The following CSMD3 variants were observed in gnomAD, a reference collection of about 807,000 sequenced individuals.
CSMD3 encodes the protein CUB and Sushi multiple domains 3.
CSMD3 carries 177 observed loss-of-function variants against 435.2 expected under a neutral mutation model. The observed-to-expected ratio is 0.41, with a 90% confidence interval of 0.36 to 0.46. The LOEUF is 0.46. Ranked by LOEUF, CSMD3 falls within the 20% of genes least tolerant of loss-of-function variation. The pLI is 0.34. For synonymous variants in CSMD3, 1,656 were observed against 1,520.5 expected (o/e 1.09, Z -2.07); for missense variants, 4,265 against 4,504.6 (o/e 0.95, Z 1.52).
intron 35 of CSMD3, among the ~76,000 whole-genome samples, chr8:112,396,525 G>T (rs1366087415): frequency 6.6e-6 from 1 of 152,168 alleles, no homozygotes; most frequent in Non-Finnish European, 1.5e-5. Flanking sequence ...AGGAAACTAT[G>T]CAAGAGTATC....
intron 13 of CSMD3, among the ~76,000 whole-genome samples, chr8:112,691,405 G>GA (rs1222292268): frequency 5.3e-5 from 8 of 152,116 alleles, no homozygotes; most frequent in African/African-American, 1.9e-4. Flanking sequence ...ATTTGTACCA[G>GA]AAAAAAATTG....
At chr8:113,388,173 A>G (rs1292650571) in intron 1 of CSMD3, among the ~76,000 whole-genome samples, 1 of 151,720 alleles carries the variant, frequency 6.6e-6, no homozygotes, top group African/African-American at 2.4e-5. Context: ...AAGATTTTTC[A>G]TAGCGGACAT....
At chr8:112,982,558 G>A (rs1417122832) in intron 6 of CSMD3, among the ~76,000 whole-genome samples, 8 of 151,822 alleles carry the variant, frequency 5.3e-5, no homozygotes, top group African/African-American at 1.9e-4. Flanking sequence ...TCATTTCCAC[G>A]TAAAATCTTG....
intron 31 of CSMD3, among the ~76,000 whole-genome samples, chr8:112,474,738 A>G (rs7819392): frequency 0.81 from 123,930 of 152,096 alleles, 51,053 homozygotes; most frequent in African/African-American, 0.93. Context: ...TTAATTATTG[A>G]TCAAAGTTTT....
At chr8:112,392,669 T>C (rs1196515246) in intron 35 of CSMD3, among the ~76,000 whole-genome samples, 2 of 152,018 alleles carry the variant, frequency 1.3e-5, no homozygotes, top group African/African-American at 4.8e-5. Context: ...CGTACTTTTT[T>C]TTTTTCTGAG....
At chr8:113,059,681 C>A (rs1325235395) in intron 5 of CSMD3, among the ~76,000 whole-genome samples, 1 of 152,068 alleles carries the variant, frequency 6.6e-6, no homozygotes, top group Non-Finnish European at 1.5e-5. Flanking sequence ...TGCTAATTAG[C>A]TTAAGTTTCA....
At chr8:113,115,344 G>A (rs569751439) in intron 4 of CSMD3, among the ~76,000 whole-genome samples, 5 of 152,290 alleles carry the variant, frequency 3.3e-5, no homozygotes, top group African/African-American at 9.6e-5. Context: ...AAACTTCTAA[G>A]TGAATAGCTT....
chr8:112,842,280 C>A (rs1475462975), intron 11 of CSMD3, among the ~76,000 whole-genome samples: 2 of 151,824 alleles, frequency 1.3e-5, no homozygotes, highest in Admixed American at 1.3e-4. Context: ...TTGCCAGTTT[C>A]TTCTTCAAGC....
At chr8:112,866,274 C>T (rs1001937044) in intron 10 of CSMD3, among the ~76,000 whole-genome samples, 4 of 152,054 alleles carry the variant, frequency 2.6e-5, no homozygotes, top group African/African-American at 7.2e-5. Flanking sequence ...TTCAAATCAC[C>T]TAGATCTCAG....
intron 8 of CSMD3, 24 bp from the exon 9 acceptor site, chr8:112,947,901 A>C: frequency 1.1e-6 from 1 of 945,330 alleles, no homozygotes; most frequent in South Asian, 1.3e-5. Flanking sequence ...GAAAAAAGAA[A>C]AAAGAAACAA....
At chr8:112,423,457 T>C (rs1312699065) in intron 32 of CSMD3, among the ~76,000 whole-genome samples, 1 of 152,192 alleles carries the variant, frequency 6.6e-6, no homozygotes, top group Non-Finnish European at 1.5e-5. Context: ...AACTTACAAA[T>C]GGAAATTCTA....
rs1309093315 is a variant in CSMD3, at chr8:112,827,124, A to G, written c.1859+2562T>C. 2.3e-5 allele frequency among the ~76,000 whole-genome samples: 3 copies of G among 131,614 alleles called. 1 individual carries two copies. The highest frequency in any genetic ancestry group is 8.5e-5 in the African/African-American group (3 of 35,482). The allele number at this position is 131,614 out of a possible 152,430, so 86.3% of individuals were successfully genotyped here. A position where few individuals can be genotyped will look rare whatever the true frequency, so the allele number is the denominator to read the frequency against. On this transcript the variant is annotated intron_variant, in intron 12 of 70. Transcript: ENST00000297405. ...TTCTAATAGTTGAGTATTTAAGATA[A>G]TTTTGACATCTTTCTTCTGTATTTT... is the stretch of plus-strand genomic sequence containing the variant.
At position 112,393,335 on chromosome 8, in the gene CSMD3, G is replaced by T. The variant is rs137970281; in HGVS notation, c.5810-2547C>A. ...CTTTCTTATTGCTGTCACTTGATTT[G>T]TCCCCTTCTCTCACCTAGCTAACAC... On this transcript the variant is annotated intron_variant, in intron 35 of 70. Coordinates refer to ENST00000297405, the MANE Select transcript of CSMD3 (RefSeq NM_198123.2). Among the ~76,000 whole-genome samples the T allele has an allele frequency of 1.1e-4, 17 of 152,112 alleles. No individual in the cohort carries two copies. The East Asian group carries it at 3.3e-3, about 29-fold the overall frequency.
At chr8:113,402,328 G>T (rs1177206879) in intron 1 of CSMD3, among the ~76,000 whole-genome samples, 1 of 151,294 alleles carries the variant, frequency 6.6e-6, no homozygotes, top group Admixed American at 6.6e-5. Context: ...AGCATTGAGA[G>T]ACTAGTTTCT....
At chr8:112,875,995 A>T (rs976434964) in intron 10 of CSMD3, among the ~76,000 whole-genome samples, 6 of 152,108 alleles carry the variant, frequency 3.9e-5, no homozygotes, top group Non-Finnish European at 2.9e-5. Flanking sequence ...AATAAGAGGC[A>T]TTCTGGTTTT....
rs565255300 is a variant in CSMD3 at position 113,112,445 on chromosome 8, A to G, written c.710-13482T>C. Among the ~76,000 whole-genome samples, 221 of 34,608 alleles carry G rather than the reference A, an allele frequency of 6.4e-3. 7 individuals are homozygous for G. Among genetic ancestry groups the G allele is most frequent in the African/African-American group, 0.018 (114 of 6,458 alleles). 22.7% of individuals were successfully genotyped at this position (34,608 alleles called of 152,430 possible). On this transcript the variant is annotated intron_variant, in intron 4 of 70. Transcript: ENST00000297405. ...TATATATATATATATATATATATAT[A>G]TATGTATATACACACACACACACAC...
At chr8:113,012,146 C>T (rs1037650085) in intron 6 of CSMD3, among the ~76,000 whole-genome samples, 5 of 151,640 alleles carry the variant, frequency 3.3e-5, no homozygotes, top group African/African-American at 4.8e-5. Context: ...TCTTAAAACT[C>T]AGTAAATAAA....
At chr8:112,624,895 T>G (rs1158687489) in intron 22 of CSMD3, among the ~76,000 whole-genome samples, 1 of 152,074 alleles carries the variant, frequency 6.6e-6, no homozygotes, top group Non-Finnish European at 1.5e-5. Flanking sequence ...GCAATTTACA[T>G]GTAATCTTTA....
chr8:113,098,850 G>T lies in CSMD3; in HGVS notation c.823C>A (p.Pro275Thr), dbSNP rs2090244077. 6.2e-7 allele frequency: 1 copy of T among 1,612,094 alleles called. No homozygotes were observed. The highest frequency in any genetic ancestry group is 8.5e-7 in the Non-Finnish European group (1 of 1,178,498). The change falls in exon 5 of 71, where the codon CCT (proline) becomes ACT (threonine). Residue 275 changes from proline (P) to threonine (T), a missense_variant. Physicochemically the swap from Pro to Thr is conservative, Grantham distance 38 (BLOSUM62 -1). Coordinates refer to ENST00000297405, the MANE Select transcript of CSMD3 (RefSeq NM_198123.2). ...AATATGAGTGAAATTGTGTCCCCAGGCTCTGCTACAATGGTCCAAGTGCAA... is the reference window on the plus strand; with the variant it reads ...AATATGAGTGAAATTGTGTCCCCAGTCTCTGCTACAATGGTCCAAGTGCAA... Reference protein sequence around the residue: ...ADCTWTIVAEPGDTISLIFTD... With the variant: ...ADCTWTIVAETGDTISLIFTD...
Sources: gnomAD v4.1 joint callset for allele counts (sites outside exome capture counted in the v4.1 genomes callset) on GRCh38, gnomAD v4.1.1 for gene constraint, MANE v1.5 for transcripts, NCBI Gene and HGNC (gene_info 2026-07-23, HGNC 2026-07-21) for gene names.